LAYN: variants seen among roughly 807,000 people sequenced by gnomAD.
The protein encoded by LAYN is layilin.
A neutral mutation model predicts 43.6 loss-of-function variants in LAYN; 38 were observed. That is an observed-to-expected ratio of 0.87 (90% CI 0.67 to 1.14). LAYN has a LOEUF of 1.14. LAYN is among the 50% of genes most tolerant of loss of function. The pLI, the probability that LAYN is intolerant of heterozygous loss-of-function variation, is 0.00. For missense variants in LAYN, 479 were observed against 463.8 expected (o/e 1.03, Z -0.30); for synonymous variants, 168 against 172.9 (o/e 0.97, Z 0.22).
rs755569988 is a variant in LAYN, at chr11:111,543,943, G to T, written c.106G>T (p.Gly36Trp). 1.9e-6 allele frequency: 3 copies of T among 1,612,626 alleles called. No individual in the cohort carries two copies. The highest frequency in any genetic ancestry group is 2.5e-6 in the Non-Finnish European group (3 of 1,179,490). Reference sequence around the variant, plus strand: ...TCTAGGGCAGCCAGTCTGCCGGGGAGGGACACAGAGGCCTTGTTATAAAGT... The same window carrying T: ...TCTAGGGCAGCCAGTCTGCCGGGGATGGACACAGAGGCCTTGTTATAAAGT... ...LLSGQPVCRG[G>W]TQRPCYKVIY... Residue 36 changes from glycine (G) to tryptophan (W), a missense_variant, in exon 2 of 7, where the codon GGG (glycine) becomes TGG (tryptophan). Coordinates refer to ENST00000375614, the MANE Select transcript of LAYN (RefSeq NM_178834.5).
At chr11:111,557,206 A>G (rs1867862271) in intron 5 of LAYN, among the ~76,000 whole-genome samples, 1 of 152,114 alleles carries the variant, frequency 6.6e-6, no homozygotes, top group Admixed American at 6.5e-5. Flanking sequence ...CTTAATTAAC[A>G]AAAGTGCCCT....
intron 3 of LAYN, chr11:111,551,470 G>A: frequency 2.2e-6 from 1 of 455,308 alleles, no homozygotes; most frequent in Non-Finnish European, 4.4e-6. Context: ...CTAACACACT[G>A]CCTGTTTTTG....
At chr11:111,546,085 A>G (rs1299035563) in intron 2 of LAYN, among the ~76,000 whole-genome samples, 1 of 152,164 alleles carries the variant, frequency 6.6e-6, no homozygotes, top group Admixed American at 6.5e-5. Flanking sequence ...TTGTACTAGC[A>G]CTGGGGTGGC....
At chr11:111,549,379 G>T (rs952629322) in intron 2 of LAYN, among the ~76,000 whole-genome samples, 1 of 152,188 alleles carries the variant, frequency 6.6e-6, no homozygotes, top group Non-Finnish European at 1.5e-5. Flanking sequence ...ATCATATGGT[G>T]GCATGTTCCT....
chr11:111,541,266 C>T (rs1245758597), intron 1 of LAYN: 11 of 594,422 alleles, frequency 1.9e-5, no homozygotes, highest in Admixed American at 8.9e-5. Context: ...CTCCTTTACA[C>T]GCATCGAATC....
chr11:111,551,418 G>A (rs1387152226), intron 3 of LAYN: 1 of 456,270 alleles, frequency 2.2e-6, no homozygotes, highest in East Asian at 6.9e-5. Flanking sequence ...ACAGAGGACA[G>A]AGAATGGATC....
chr11:111,544,257 A>G, intron 2 of LAYN, 37 bp downstream of exon 2: 2 of 1,572,948 alleles, frequency 1.3e-6, no homozygotes, highest in South Asian at 2.4e-5. Context: ...GACTCACTTG[A>G]CATAACTCAA....
chr11:111,543,788 A>G, intron 1 of LAYN, 135 bp from the exon 2 acceptor site: 1 of 703,300 alleles, frequency 1.4e-6, no homozygotes, highest in African/African-American at 1.8e-5. Flanking sequence ...GAGAACCCCA[A>G]CTGACATGAT....
Position 111,544,067 on chromosome 11 carries a change from A to G in LAYN, c.230A>G (p.Asp77Gly). 1 of 1,614,182 alleles carries G rather than the reference A, an allele frequency of 6.2e-7. No individual in the cohort carries two copies. The highest frequency in any genetic ancestry group is 1.1e-5 in the South Asian group (1 of 91,074). ...GGQLVSIESEDEQKLIEKFIE... is the reference protein window; with the variant it reads ...GGQLVSIESEGEQKLIEKFIE... ...CAGCTAGTCAGCATCGAGTCTGAAG[A>G]TGAACAGAAACTGATAGAAAAGTTC... Residue 77 changes from aspartate to glycine, a missense_variant, in exon 2 of 7, where the codon GAT (aspartate) becomes GGT (glycine). Physicochemically the swap from Asp to Gly is moderately conservative, Grantham distance 94. Transcript: ENST00000375614.
At chr11:111,552,453 A>C (rs77343126) in intron 3 of LAYN, among the ~76,000 whole-genome samples, 4 of 152,326 alleles carry the variant, frequency 2.6e-5, no homozygotes, top group Non-Finnish European at 5.9e-5. Flanking sequence ...ATTATGTCAG[A>C]GTGGCAAGGA....
At chr11:111,552,634 G>A (rs1356032506) in intron 3 of LAYN, among the ~76,000 whole-genome samples, 1 of 152,228 alleles carries the variant, frequency 6.6e-6, no homozygotes, top group East Asian at 1.9e-4. Flanking sequence ...CACGTGCAGG[G>A]ATTGATGGAA....
chr11:111,549,325 G>C (rs1409313028), intron 2 of LAYN, among the ~76,000 whole-genome samples: 1 of 152,164 alleles, frequency 6.6e-6, no homozygotes. Flanking sequence ...AGATCGTCCA[G>C]ACTAGCCCTG....
chr11:111,544,010 A>G lies in LAYN; in HGVS notation c.173A>G (p.Glu58Gly). Reference protein sequence around the residue: ...HDTSRRLNFEEAKEACRRDGG... With the variant: ...HDTSRRLNFEGAKEACRRDGG... ...ACTTCTCGAAGACTGAACTTTGAGG[A>G]AGCCAAAGAAGCCTGCAGGAGGGAT... is the stretch of plus-strand genomic sequence containing the variant. Residue 58 changes from glutamate to glycine, a missense_variant, in exon 2 of 7, where the codon GAA becomes GGA. Transcript: ENST00000375614. 6.2e-7 allele frequency: 1 copy of G among 1,614,200 alleles called. No individual in the cohort carries two copies.
In LAYN at chr11:111,559,973, A is replaced by G. The variant is rs1013148688; in HGVS notation, c.762-122A>G. Reference sequence around the variant, plus strand: ...TCCGAAGCCCTGGCCTGTAAGTTACATAGACGAGACATGCAGCTGGGTGAC... The same window carrying G: ...TCCGAAGCCCTGGCCTGTAAGTTACGTAGACGAGACATGCAGCTGGGTGAC... On this transcript the variant is annotated intron_variant, in intron 6 of 6. Transcript: ENST00000375614. 1.3e-5 allele frequency: 15 copies of G among 1,163,996 alleles called. No homozygotes were observed. In the East Asian group the frequency reaches 1.4e-4, roughly 11 times the overall value. 72.1% of individuals were successfully genotyped at this position (1,163,996 alleles called of 1,614,324 possible).
intron 1 of LAYN, 103 bp from the exon 2 acceptor site, chr11:111,543,820 C>A: frequency 8.7e-7 from 1 of 1,153,552 alleles, no homozygotes; most frequent in Non-Finnish European, 1.2e-6. Context: ...GATGTGTAAC[C>A]AAAATTCCTA....
chr11:111,540,416 G>A (rs1487408667), upstream of LAYN: 1 of 197,216 alleles, frequency 5.1e-6, no homozygotes, highest in East Asian at 1.7e-4. Context: ...GAGAGGAGGG[G>A]TGAGATGTGG....
At chr11:111,546,976 A>T (rs540960098) in intron 2 of LAYN, among the ~76,000 whole-genome samples, 39 of 152,316 alleles carry the variant, frequency 2.6e-4, no homozygotes, top group African/African-American at 9.4e-4. Flanking sequence ...CTGCTGCATC[A>T]TATGGCCCAA....
intron 2 of LAYN, among the ~76,000 whole-genome samples, chr11:111,547,070 T>C (rs1358147259): frequency 6.6e-6 from 1 of 151,346 alleles, no homozygotes; most frequent in Non-Finnish European, 1.5e-5. Context: ...CTGTATTCCA[T>C]GTCACCTGGT....
chr11:111,557,463 T>C, intron 5 of LAYN, 78 bp from the exon 6 acceptor site: 2 of 1,164,128 alleles, frequency 1.7e-6, no homozygotes, highest in Non-Finnish European at 1.3e-6. Flanking sequence ...GATTATGCTT[T>C]TTTTAAGCCT....
Sources: allele counts gnomAD v4.1 joint callset (sites outside exome capture counted in the v4.1 genomes callset), GRCh38; gene constraint gnomAD v4.1.1; transcripts MANE v1.5; gene names NCBI Gene and HGNC (gene_info 2026-07-23, HGNC 2026-07-21).